The following ZC3H3 variants were observed in gnomAD, a reference collection of about 807,000 sequenced individuals.
The protein encoded by ZC3H3 is zinc finger CCCH domain-containing protein 3.
Under a neutral mutation model 77.3 loss-of-function variants are expected in ZC3H3, and 36 were observed. That is an observed-to-expected ratio of 0.47 (90% CI 0.36 to 0.61). The LOEUF (loss-of-function observed/expected upper bound fraction) is 0.61, where lower values mean the gene tolerates loss of function less well. Among genes scored for constraint, ZC3H3 ranks in the 20% least tolerant of loss-of-function variants. The pLI is 0.00. For synonymous variants in ZC3H3, 626 were observed against 555.2 expected, an observed-to-expected ratio of 1.13 and a Z score of -1.79; for missense variants, 1,331 against 1,312.2, an observed-to-expected ratio of 1.01 and a Z score of -0.22.
intron 2 of ZC3H3, among the ~76,000 whole-genome samples, chr8:143,537,408 C>T (rs988417972): frequency 3.3e-5 from 5 of 152,230 alleles, no homozygotes; most frequent in South Asian, 4.1e-4. Flanking sequence ...CAGCAGCCCC[C>T]GGCCCCTGCC....
At chr8:143,522,683 C>T (rs1477779800) in intron 3 of ZC3H3, among the ~76,000 whole-genome samples, 1 of 152,138 alleles carries the variant, frequency 6.6e-6, no homozygotes, top group Non-Finnish European at 1.5e-5. Flanking sequence ...CTTTGGAAGG[C>T]CAAGTTAAGC....
chr8:143,489,797 T>C lies in ZC3H3; in HGVS notation c.1716-14212A>G, dbSNP rs1821151381. ...TAAATCAAGCGCCTTGCCAATTAAGTGCTGACTTGGGAAGTGGACGCAATC... is the reference window on the plus strand; with the variant it reads ...TAAATCAAGCGCCTTGCCAATTAAGCGCTGACTTGGGAAGTGGACGCAATC... On this transcript the variant is annotated intron_variant, in intron 4 of 11. Transcript: ENST00000262577. 3.3e-5 allele frequency among the ~76,000 whole-genome samples: 5 copies of C among 152,224 alleles called. No individual in the cohort carries two copies. In the South Asian group the frequency reaches 1.0e-3, roughly 31 times the overall value.
At position 143,505,923 on chromosome 8, in the gene ZC3H3, G is replaced by A. The variant is rs918719703; in HGVS notation, c.1715+1823C>T. ...CCAGGGCACTCAGAGAGTCACGGCCGCTCCCTGCAGGGCAGCTGGCCAGGC... is the reference window on the plus strand; with the variant it reads ...CCAGGGCACTCAGAGAGTCACGGCCACTCCCTGCAGGGCAGCTGGCCAGGC... On this transcript the variant is annotated intron_variant, in intron 4 of 11. Transcript: ENST00000262577. Among the ~76,000 whole-genome samples the A allele has an allele frequency of 3.9e-5, 6 of 152,232 alleles. 1 individual carries two copies. In the South Asian group the frequency reaches 6.2e-4, roughly 16 times the overall value.
In ZC3H3 at chr8:143,538,323, C is replaced by A; in HGVS notation, c.1044G>T (p.Val348=). The part of the protein sequence containing the change: ...CKASAGMANK[V]EKPQLIADPE... ...GGTCAGCTATGAGCTGCGGCTTCTC[C>A]ACCTTGTTTGCCATGCCAGCAGAGG... The change falls in exon 2 of 12, where the codon GTG becomes GTT. Residue 348 remains valine (V), a synonymous_variant. Coordinates refer to ENST00000262577, the MANE Select transcript of ZC3H3 (RefSeq NM_015117.3). 1 of 1,613,006 alleles carries A rather than the reference C, an allele frequency of 6.2e-7. No homozygotes were observed. Among genetic ancestry groups the A allele is most frequent in the Non-Finnish European group, 8.5e-7 (1 of 1,180,036 alleles).
At chr8:143,517,718 G>A (rs1822105065) in intron 3 of ZC3H3, among the ~76,000 whole-genome samples, 1 of 152,170 alleles carries the variant, frequency 6.6e-6, no homozygotes, top group African/African-American at 2.4e-5. Context: ...GAGGCACCTG[G>A]GACGGGCCCT....
chr8:143,541,351 G>C (rs1422758823), intron 1 of ZC3H3, 25 bp downstream of exon 1: 2 of 1,605,712 alleles, frequency 1.2e-6, no homozygotes, highest in East Asian at 2.3e-5. Context: ...AAGGGGACTC[G>C]CGTCCCGGCC....
At chr8:143,464,221 A>AG (rs1426899283) in intron 9 of ZC3H3, among the ~76,000 whole-genome samples, 2 of 152,284 alleles carry the variant, frequency 1.3e-5, no homozygotes, top group Non-Finnish European at 2.9e-5. Context: ...GAAAGGCAGC[A>AG]GTAAGCACTT....
At position 143,459,647 on chromosome 8, in the gene ZC3H3, A is replaced by C. The variant is rs549145965; in HGVS notation, c.2307+6070T>G. ...AAATCAATTAATGAGATTGTGACTG[A>C]CTGTGATTCAATGTGGTCAGAGTCA... On this transcript the variant is annotated intron_variant, in intron 9 of 11. Coordinates refer to ENST00000262577, the MANE Select transcript of ZC3H3 (RefSeq NM_015117.3). 7.2e-5 allele frequency among the ~76,000 whole-genome samples: 11 copies of C among 152,308 alleles called. No homozygotes were observed. The East Asian group carries it at 1.9e-3, about 27-fold the overall frequency.
At chr8:143,524,578 G>A (rs1822351871) in intron 3 of ZC3H3, among the ~76,000 whole-genome samples, 1 of 152,270 alleles carries the variant, frequency 6.6e-6, no homozygotes, top group Admixed American at 6.5e-5. Context: ...TCGCACAGAG[G>A]TGGGTCAAGG....
intron 4 of ZC3H3, among the ~76,000 whole-genome samples, chr8:143,505,362 A>G (rs1821656940): frequency 4.6e-5 from 7 of 152,230 alleles, no homozygotes; most frequent in Admixed American, 4.6e-4. Context: ...CGCATGGGCC[A>G]GGCTAGACCA....
At chr8:143,442,611 C>A (rs1018516572) in intron 9 of ZC3H3, among the ~76,000 whole-genome samples, 5 of 152,276 alleles carry the variant, frequency 3.3e-5, no homozygotes, top group Admixed American at 3.3e-4. Context: ...GCACCCACAG[C>A]CCCAGCAACG....
At position 143,492,513 on chromosome 8, in the gene ZC3H3, G is replaced by A. The variant is rs988331204; in HGVS notation, c.1715+15233C>T. The stretch of plus-strand genomic sequence containing the variant: ...GCTGCCCACCTGTAGCGTCAGGAAC[G>A]GAGCCAGCAAACAGACCTGGACCCA... On this transcript the variant is annotated intron_variant, in intron 4 of 11. Coordinates refer to ENST00000262577, the MANE Select transcript of ZC3H3 (RefSeq NM_015117.3). 5.3e-5 allele frequency among the ~76,000 whole-genome samples: 8 copies of A among 152,196 alleles called. No individual in the cohort carries two copies. The South Asian group carries it at 8.3e-4, about 16-fold the overall frequency.
chr8:143,444,495 T>C (rs1437576521), intron 9 of ZC3H3, among the ~76,000 whole-genome samples: 1 of 152,214 alleles, frequency 6.6e-6, no homozygotes, highest in Admixed American at 6.5e-5. Context: ...AGTCTTGCAA[T>C]GTGTAAAAAC....
chr8:143,514,344 C>T (rs1341473263), intron 3 of ZC3H3, among the ~76,000 whole-genome samples: 3 of 152,176 alleles, frequency 2.0e-5, no homozygotes, highest in Non-Finnish European at 1.5e-5. Flanking sequence ...CATCCTGGCT[C>T]GGGCCCTGGT....
intron 9 of ZC3H3, among the ~76,000 whole-genome samples, chr8:143,459,454 C>T (rs1820200981): frequency 6.6e-6 from 1 of 151,884 alleles, no homozygotes; most frequent in South Asian, 2.1e-4. Context: ...GAGGCTGAGG[C>T]AGGAGAATTG....
chr8:143,539,314 A>G lies in ZC3H3; in HGVS notation c.53T>C (p.Ile18Thr). The change falls in exon 2 of 12, where the codon ATT (isoleucine) becomes ACT (threonine). Residue 18 changes from isoleucine to threonine, a missense_variant. Around this residue, in one of 3 missense-constraint regions of ZC3H3, gnomAD observed 978 missense variants for 915.5 expected, o/e 1.07. Coordinates refer to ENST00000262577, the MANE Select transcript of ZC3H3 (RefSeq NM_015117.3). ...RRQIRLLQGL[I>T]DDYKTLHGNA... Reference sequence around the variant, plus strand: ...GCCGTGGAGGGTTTTGTAGTCATCAATCAGACCTGAGAAGACAGAACCACA... The same window carrying G: ...GCCGTGGAGGGTTTTGTAGTCATCAGTCAGACCTGAGAAGACAGAACCACA... 6.2e-7 allele frequency: 1 copy of G among 1,605,278 alleles called. No individual in the cohort carries two copies. The highest frequency in any genetic ancestry group is 8.5e-7 in the Non-Finnish European group (1 of 1,176,122).
chr8:143,492,314 G>A (rs1052072501), intron 4 of ZC3H3, among the ~76,000 whole-genome samples: 3 of 152,090 alleles, frequency 2.0e-5, no homozygotes, highest in Non-Finnish European at 2.9e-5. Context: ...TGGCCCAGTG[G>A]GGGGGATCCG....
Position 143,462,144 on chromosome 8 carries a change from C to T in ZC3H3, c.2307+3573G>A, listed in dbSNP as rs576624003. Among the ~76,000 whole-genome samples the T allele has an allele frequency of 4.6e-5, 7 of 152,294 alleles. No individual in the cohort carries two copies. In the East Asian group the frequency reaches 1.4e-3, roughly 29 times the overall value. The stretch of plus-strand genomic sequence containing the variant: ...GTAGGGAGGCCTCCCTGTGCCAGGG[C>T]CACCCAGGACACTGCCAGGCCCACT... On this transcript the variant is annotated intron_variant, in intron 9 of 11. Transcript: ENST00000262577. This position sits in a 1 kb window ranked among gnomAD's most constrained non-coding sequence, Gnocchi z 4.7.
rs1422313062 is a variant in ZC3H3, at chr8:143,538,694, C to T, written c.673G>A (p.Ala225Thr). The T allele has an allele frequency of 6.2e-7, 1 of 1,608,318 alleles. No homozygotes were observed. Among genetic ancestry groups the T allele is most frequent in the Non-Finnish European group, 8.5e-7 (1 of 1,179,850 alleles). ...GAGGATGGGAAGCTCGCCTTGACGG[C>T]AATCACACTCTCACTGACTGTCCGG... is the stretch of plus-strand genomic sequence containing the variant. The part of the protein sequence containing the change: ...PRRTVSESVI[A>T]VKASFPSSAL... The change falls in exon 2 of 12, where the codon GCC becomes ACC. Residue 225 changes from alanine to threonine, a missense_variant. By Grantham distance (58) the Ala-to-Thr change is moderately conservative (BLOSUM62 0). Coordinates refer to ENST00000262577, the MANE Select transcript of ZC3H3 (RefSeq NM_015117.3).
Sources: gnomAD v4.1 joint callset for allele counts (sites outside exome capture counted in the v4.1 genomes callset) on GRCh38, gnomAD v4.1.1 for gene constraint, gnomAD v4.1.1 regional missense constraint, Gnocchi (gnomAD v3.1) non-coding constraint, MANE v1.5 for transcripts, NCBI Gene and HGNC (gene_info 2026-07-23, HGNC 2026-07-21) for gene names.